The following ADAMTSL1 variants were observed in gnomAD, a reference collection of about 807,000 sequenced individuals.
The protein encoded by ADAMTSL1 is ADAMTS like 1, also known as ADAMTS-like protein 1.
In ADAMTSL1, 126 loss-of-function variants were observed where a neutral mutation model predicts 201.8. That is an observed-to-expected ratio of 0.62 (90% CI 0.54 to 0.72). The LOEUF (loss-of-function observed/expected upper bound fraction) is 0.72, where lower values mean the gene tolerates loss of function less well. Among genes scored for constraint, ADAMTSL1 ranks in the 30% least tolerant of loss-of-function variants. The pLI is 0.00. For missense variants in ADAMTSL1, 2,679 were observed against 2,277.8 expected, an observed-to-expected ratio of 1.18 and a Z score of -3.59; for synonymous variants, 1,121 against 903.4, an observed-to-expected ratio of 1.24 and a Z score of -4.32.
chr9:17,985,988 A>T (rs1228386981), intron 1 of ADAMTSL1, among the ~76,000 whole-genome samples: 1 of 152,146 alleles, frequency 6.6e-6, no homozygotes, highest in East Asian at 1.9e-4. Context: ...AATGGTCAAG[A>T]AACAACAAAT....
intron 4 of ADAMTSL1, among the ~76,000 whole-genome samples, chr9:18,620,382 AT>A (rs1697821801): frequency 6.6e-6 from 1 of 152,184 alleles, no homozygotes; most frequent in Non-Finnish European, 1.5e-5. Context: ...GAAATTCACC[AT>A]TGAATGTTGC....
At chr9:18,308,874 C>T (rs1278059325) in intron 2 of ADAMTSL1, among the ~76,000 whole-genome samples, 4 of 152,048 alleles carry the variant, frequency 2.6e-5, no homozygotes, top group African/African-American at 7.2e-5. Flanking sequence ...CTGGCAGAGA[C>T]ATAGCAAAAA....
intron 23 of ADAMTSL1, among the ~76,000 whole-genome samples, chr9:18,882,646 C>G (rs1828604317): frequency 6.6e-6 from 1 of 151,968 alleles, no homozygotes; most frequent in Admixed American, 6.6e-5. Context: ...CATGTAGATG[C>G]CTAGATGCCG....
chr9:18,186,854 C>T (rs1017314561), intron 2 of ADAMTSL1, among the ~76,000 whole-genome samples: 9 of 151,888 alleles, frequency 5.9e-5, no homozygotes, highest in Admixed American at 4.6e-4. Flanking sequence ...CACACACACA[C>T]ACACACATGC....
intron 2 of ADAMTSL1, among the ~76,000 whole-genome samples, chr9:18,506,480 C>G (rs58526635): frequency 0.037 from 5,607 of 152,156 alleles, 349 homozygotes; most frequent in African/African-American, 0.13. Context: ...TGTATGTCAG[C>G]TTGAGGTAGG....
chr9:18,684,726 A>G lies in ADAMTSL1; in HGVS notation c.1500A>G (p.Pro500=), dbSNP rs773888966. 37 of 1,612,874 alleles carry G rather than the reference A, an allele frequency of 2.3e-5. No homozygotes were observed. The highest frequency in any genetic ancestry group is 1.6e-4 in the Middle Eastern group (1 of 6,082). ...TPCYKPKEKL[P]VEAKLPWFKQ... ...GCACTGAATTCTCAGAGAAACTTCCAGTCGAGGCCAAGTTGCCATGGTTCA... is the reference window on the plus strand; with the variant it reads ...GCACTGAATTCTCAGAGAAACTTCCGGTCGAGGCCAAGTTGCCATGGTTCA... The change falls in exon 13 of 29, where the codon CCA becomes CCG. Residue 500 remains proline, a synonymous_variant. Coordinates refer to ENST00000380548, the MANE Select transcript of ADAMTSL1 (RefSeq NM_001040272.6).
At chr9:18,321,840 A>G (rs1233152494) in intron 2 of ADAMTSL1, among the ~76,000 whole-genome samples, 3 of 152,178 alleles carry the variant, frequency 2.0e-5, no homozygotes. Context: ...TTTTAAGTGC[A>G]TTCTTTTCAA....
At chr9:18,279,233 C>A (rs1357167372) in intron 2 of ADAMTSL1, among the ~76,000 whole-genome samples, 1 of 152,024 alleles carries the variant, frequency 6.6e-6, no homozygotes, top group African/African-American at 2.4e-5. Context: ...CCCTGCAGAA[C>A]CTACATGTAT....
chr9:18,527,861 A>C (rs1488525091), intron 2 of ADAMTSL1, among the ~76,000 whole-genome samples: 1 of 152,164 alleles, frequency 6.6e-6, no homozygotes, highest in Non-Finnish European at 1.5e-5. Context: ...AATTTGAATT[A>C]GAATATATAT....
chr9:18,084,257 C>T (rs541952161), intron 1 of ADAMTSL1, among the ~76,000 whole-genome samples: 50 of 151,600 alleles, frequency 3.3e-4, no homozygotes, highest in African/African-American at 1.1e-3. Context: ...CGCGGTGGCT[C>T]ATGCCTGTAA....
chr9:18,629,382 T>A (rs1826598669), intron 5 of ADAMTSL1, among the ~76,000 whole-genome samples: 1 of 152,160 alleles, frequency 6.6e-6, no homozygotes, highest in African/African-American at 2.4e-5. Context: ...AGCTGTAGGT[T>A]TTTATAAATG....
At chr9:18,469,979 G>C (rs551495362), upstream of ADAMTSL1, among the ~76,000 whole-genome samples, 30 of 152,304 alleles carry the variant, frequency 2.0e-4, no homozygotes, top group African/African-American at 7.0e-4. Context: ...CTACCCCATA[G>C]AGTTGTTGTA....
At chr9:18,508,871 A>C (rs1019760509) in intron 2 of ADAMTSL1, among the ~76,000 whole-genome samples, 1 of 152,134 alleles carries the variant, frequency 6.6e-6, no homozygotes, top group South Asian at 2.1e-4. Context: ...TGGATTTAGA[A>C]TGTATTTTGA....
At chr9:18,391,980 A>T (rs1042796637) in intron 2 of ADAMTSL1, among the ~76,000 whole-genome samples, 3 of 151,792 alleles carry the variant, frequency 2.0e-5, no homozygotes, top group Non-Finnish European at 4.4e-5. Context: ...GCCCGCCACC[A>T]TGCCCAGCGA....
At chr9:18,337,311 C>G (rs1256325490) in intron 2 of ADAMTSL1, among the ~76,000 whole-genome samples, 5 of 152,108 alleles carry the variant, frequency 3.3e-5, no homozygotes. Context: ...TGAGGCTGTA[C>G]TTTCAGCTTC....
intron 1 of ADAMTSL1, among the ~76,000 whole-genome samples, chr9:18,008,582 G>A (rs904063751): frequency 6.6e-6 from 1 of 151,888 alleles, no homozygotes; most frequent in African/African-American, 2.4e-5. Flanking sequence ...CAGGTAGGCA[G>A]TGGGAATTTG....
In ADAMTSL1 at chr9:17,943,236, C is replaced by A. The variant is rs180842636; in HGVS notation, c.87+36314C>A. ...GGATTACAGGTGTGAGCCACTGAACCCAGCCTGCAATGTACTTAAGAGTTT... is the reference window on the plus strand; with the variant it reads ...GGATTACAGGTGTGAGCCACTGAACACAGCCTGCAATGTACTTAAGAGTTT... On this transcript the variant is annotated intron_variant, in intron 1 of 29. Coordinates refer to the ADAMTSL1 transcript ENST00000680146. Among the ~76,000 whole-genome samples, 117 of 152,224 alleles carry A rather than the reference C, an allele frequency of 7.7e-4. 1 individual carries two copies. The highest frequency in any genetic ancestry group is 2.6e-3 in the African/African-American group (108 of 41,544).
chr9:18,247,275 T>C (rs1391437052), intron 2 of ADAMTSL1, among the ~76,000 whole-genome samples: 2 of 152,218 alleles, frequency 1.3e-5, no homozygotes, highest in East Asian at 3.8e-4. Flanking sequence ...TTTATGACAC[T>C]AATAAAATTA....
At chr9:18,726,413 G>C (rs189858800) in intron 15 of ADAMTSL1, among the ~76,000 whole-genome samples, 2 of 151,940 alleles carry the variant, frequency 1.3e-5, no homozygotes, top group East Asian at 3.9e-4. Flanking sequence ...TGGGAGGCTA[G>C]AGTGGGAGGA....
Sources: allele counts gnomAD v4.1 joint callset (sites outside exome capture counted in the v4.1 genomes callset), GRCh38; gene constraint gnomAD v4.1.1; transcripts MANE v1.5; gene names NCBI Gene and HGNC (gene_info 2026-07-23, HGNC 2026-07-21).